The following MCTP1 variants were observed in gnomAD, a reference collection of about 807,000 sequenced individuals.
The protein encoded by MCTP1 is multiple C2 and transmembrane domain-containing protein 1.
In MCTP1, 69 loss-of-function variants were observed where a neutral mutation model predicts 120.6. The observed-to-expected ratio is 0.57, with a 90% CI of 0.47 to 0.70. MCTP1 has a LOEUF of 0.70. Ranked by LOEUF, MCTP1 falls within the 30% of genes least tolerant of loss-of-function variation. The probability of loss-of-function intolerance (pLI) is 0.00; values close to 1 mark genes in which losing one functional copy is unlikely to be tolerated. For synonymous variants in MCTP1, 529 were observed against 493.1 expected, an observed-to-expected ratio of 1.07 and a Z score of -0.96; for missense variants, 1,203 against 1,248.8, an observed-to-expected ratio of 0.96 and a Z score of 0.55.
intron 1 of MCTP1, among the ~76,000 whole-genome samples, chr5:95,217,270 T>G (rs778775754): frequency 1.3e-5 from 2 of 152,246 alleles, no homozygotes; most frequent in Non-Finnish European, 2.9e-5. Context: ...TTAACAAATT[T>G]GCTTTTATCA....
At chr5:94,714,272 TGATA>T (rs1463982936) in intron 20 of MCTP1, among the ~76,000 whole-genome samples, 28 of 152,280 alleles carry the variant, frequency 1.8e-4, no homozygotes, top group African/African-American at 6.5e-4. Context: ...ATTAGTTTAT[TGATA>T]ATTATGGATC....
intron 1 of MCTP1, among the ~76,000 whole-genome samples, chr5:95,214,345 C>T: frequency 6.6e-6 from 1 of 151,964 alleles, no homozygotes; most frequent in South Asian, 2.1e-4. Context: ...GAATGGCGAT[C>T]ATTAAGAAGT....
chr5:95,190,850 C>T, intron 1 of MCTP1, among the ~76,000 whole-genome samples: 1 of 151,992 alleles, frequency 6.6e-6, no homozygotes, highest in South Asian at 2.1e-4. Flanking sequence ...CTTTTAACAA[C>T]ATGAACAACC....
At chr5:95,114,726 TG>T (rs1263066294) in intron 1 of MCTP1, among the ~76,000 whole-genome samples, 1 of 152,206 alleles carries the variant, frequency 6.6e-6, no homozygotes, top group Non-Finnish European at 1.5e-5. Flanking sequence ...GCCCAGGGCC[TG>T]GGGGTACTTG....
At chr5:94,870,851 A>T in intron 15 of MCTP1, 21 bp downstream of exon 15, 2 of 1,547,326 alleles carry the variant, frequency 1.3e-6, no homozygotes, top group South Asian at 2.2e-5. Flanking sequence ...GCAGTACAAA[A>T]AAGCCAAAGT....
At chr5:94,931,179 G>A (rs1015864199) in intron 6 of MCTP1, 2 of 152,008 alleles carry the variant, frequency 1.3e-5, no homozygotes, top group Non-Finnish European at 2.9e-5. Context: ...GATTCAATCA[G>A]AATGGAAGGA....
intron 1 of MCTP1, among the ~76,000 whole-genome samples, chr5:95,185,987 C>A (rs1749160675): frequency 6.6e-6 from 1 of 152,006 alleles, no homozygotes; most frequent in African/African-American, 2.4e-5. Flanking sequence ...GAGACTCCAT[C>A]TCAAAAACAA....
chr5:94,734,771 A>G (rs1484940013), intron 19 of MCTP1, among the ~76,000 whole-genome samples: 1 of 152,082 alleles, frequency 6.6e-6, no homozygotes, highest in African/African-American at 2.4e-5. Context: ...TCTTTCTTTC[A>G]TTTTTAAGGC....
At chr5:94,899,853 T>C (rs999414551) in intron 10 of MCTP1, among the ~76,000 whole-genome samples, 1 of 152,230 alleles carries the variant, frequency 6.6e-6, no homozygotes, top group African/African-American at 2.4e-5. Context: ...CCTCATGTTC[T>C]TTCTTTCTCA....
At chr5:94,922,997 C>CAAAAAAAAAA (rs202245253) in intron 7 of MCTP1, among the ~76,000 whole-genome samples, 2 of 99,550 alleles carry the variant, frequency 2.0e-5, no homozygotes, top group Admixed American at 1.0e-4. Flanking sequence ...TAAAAAGCTG[C>CAAAAAAAAAA]AAAAAAAAAA....
chr5:95,133,558 G>A lies in MCTP1; in HGVS notation c.721-116074C>T, dbSNP rs1408740894. ...TAGTCCCAGCTACTTGGGAGGCTGA[G>A]GCAGAAGAATCACTTCAACCTGGGA... On this transcript the variant is annotated intron_variant, in intron 1 of 22. Coordinates refer to ENST00000515393, the MANE Select transcript of MCTP1 (RefSeq NM_024717.7). Among the ~76,000 whole-genome samples the A allele has an allele frequency of 2.6e-5, 4 of 152,334 alleles. No homozygotes were observed. In the South Asian group the frequency reaches 6.2e-4, roughly 24 times the overall value.
chr5:95,205,485 T>C (rs1398251845), intron 1 of MCTP1, among the ~76,000 whole-genome samples: 5 of 152,070 alleles, frequency 3.3e-5, no homozygotes, highest in Non-Finnish European at 5.9e-5. Flanking sequence ...AAAATAACGG[T>C]ACTTCATCAA....
chr5:95,156,919 A>G (rs1582390622), intron 1 of MCTP1, among the ~76,000 whole-genome samples: 1 of 152,186 alleles, frequency 6.6e-6, no homozygotes, highest in South Asian at 2.1e-4. Context: ...TTATTAATTC[A>G]TATTTTCTCA....
intron 6 of MCTP1, among the ~76,000 whole-genome samples, chr5:94,924,543 A>T (rs1812525272): frequency 6.6e-6 from 1 of 152,174 alleles, no homozygotes. Context: ...GTTCGCTGAC[A>T]ATAATTTTAA....
chr5:95,005,477 C>A (rs1475415551), intron 2 of MCTP1, among the ~76,000 whole-genome samples: 2 of 152,118 alleles, frequency 1.3e-5, no homozygotes, highest in African/African-American at 4.8e-5. Flanking sequence ...CCACCCCAAT[C>A]TCATGTCAAA....
intron 1 of MCTP1, among the ~76,000 whole-genome samples, chr5:95,244,155 G>T (rs965413533): frequency 6.6e-6 from 1 of 152,206 alleles, no homozygotes; most frequent in Non-Finnish European, 1.5e-5. Context: ...GGCTGAATAG[G>T]AATACAAAAG....
At chr5:94,830,247 A>G (rs1561708981) in intron 17 of MCTP1, among the ~76,000 whole-genome samples, 1 of 152,204 alleles carries the variant, frequency 6.6e-6, no homozygotes, top group Non-Finnish European at 1.5e-5. Context: ...GAAAGGGTGA[A>G]TGTTAGAAAC....
intron 1 of MCTP1, among the ~76,000 whole-genome samples, chr5:95,043,470 C>A (rs1257679346): frequency 6.6e-6 from 1 of 152,090 alleles, no homozygotes; most frequent in Non-Finnish European, 1.5e-5. Context: ...GACTCCCAAT[C>A]CCCTGATTAT....
chr5:94,737,894 G>A (rs1764632213), intron 19 of MCTP1, among the ~76,000 whole-genome samples: 1 of 152,146 alleles, frequency 6.6e-6, no homozygotes, highest in Admixed American at 6.5e-5. Context: ...GCCCTTGGTG[G>A]TCTCAAACTC....
Sources: allele counts gnomAD v4.1 joint callset (sites outside exome capture counted in the v4.1 genomes callset), GRCh38; gene constraint gnomAD v4.1.1; transcripts MANE v1.5; gene names NCBI Gene and HGNC (gene_info 2026-07-23, HGNC 2026-07-21).